The following DISP1 variants were observed in gnomAD, a reference collection of about 807,000 sequenced individuals.
The protein encoded by DISP1 is dispatched RND transporter family member 1, also known as protein dispatched homolog 1.
A neutral mutation model predicts 37.3 loss-of-function variants in DISP1; 30 were observed. That is an observed-to-expected ratio of 0.80 (90% CI 0.60 to 1.09). The LOEUF (loss-of-function observed/expected upper bound fraction) is 1.09. DISP1 is among the 50% of genes least tolerant of loss of function. DISP1 has a pLI of 0.00. For synonymous variants in DISP1, 634 were observed against 690.2 expected, an observed-to-expected ratio of 0.92 and a Z score of 1.28; for missense variants, 1,598 against 1,879.5, an observed-to-expected ratio of 0.85 and a Z score of 2.77.
chr1:222,973,264 T>A (rs1677084528), intron 3 of DISP1, among the ~76,000 whole-genome samples: 1 of 152,190 alleles, frequency 6.6e-6, no homozygotes, highest in African/African-American at 2.4e-5. Flanking sequence ...CATATGCTCA[T>A]GAGGAATTCA....
intron 1 of DISP1, among the ~76,000 whole-genome samples, chr1:222,904,863 G>A (rs1450091411): frequency 2.6e-5 from 4 of 152,060 alleles, no homozygotes; most frequent in African/African-American, 4.8e-5. Context: ...ACTGCCCCTG[G>A]CCTCATATTT....
intron 1 of DISP1, among the ~76,000 whole-genome samples, chr1:222,838,167 T>G (rs1430581243): frequency 4.6e-5 from 7 of 152,170 alleles, no homozygotes; most frequent in African/African-American, 1.7e-4. Context: ...CTTTCCCTAA[T>G]ATAATTATCA....
chr1:222,840,577 T>TTC (rs1553315834), intron 1 of DISP1, among the ~76,000 whole-genome samples: 2 of 145,480 alleles, frequency 1.4e-5, no homozygotes, highest in Admixed American at 6.9e-5. Flanking sequence ...TTTTTTTTTT[T>TTC]CCCTGAGACA....
At chr1:222,984,352 C>G (rs1292045617) in intron 4 of DISP1, among the ~76,000 whole-genome samples, 1 of 139,002 alleles carries the variant, frequency 7.2e-6, no homozygotes, top group African/African-American at 2.7e-5. Flanking sequence ...TTGTGCTTAG[C>G]TGAAATACAC....
intron 8 of DISP1, among the ~76,000 whole-genome samples, chr1:223,001,478 G>GGTTTATTC (rs1679438915): frequency 6.6e-6 from 1 of 152,084 alleles, no homozygotes; most frequent in African/African-American, 2.4e-5. Context: ...CTTGACATCA[G>GGTTTATTC]CACTTTTGAT....
In DISP1 at chr1:222,856,793, C is replaced by T. The variant is rs551944587; in HGVS notation, c.-159+41715C>T. On this transcript the variant is annotated intron_variant, in intron 1 of 8. Coordinates refer to ENST00000675850, the MANE Select transcript of DISP1 (RefSeq NM_001377229.1). ...AATCTTGGCTCACTGCAACCTCTGC[C>T]TTCTGTTTCAAGCAGTCCTCCTGCC... 5.3e-5 allele frequency among the ~76,000 whole-genome samples: 8 copies of T among 151,076 alleles called. No individual in the cohort carries two copies. The South Asian group carries it at 1.7e-3, about 32-fold the overall frequency.
intron 1 of DISP1, among the ~76,000 whole-genome samples, chr1:222,891,404 A>G (rs865981305): frequency 6.6e-6 from 1 of 152,166 alleles, no homozygotes; most frequent in Non-Finnish European, 1.5e-5. Flanking sequence ...ATTTCTTTCT[A>G]TAGATCAAGG....
At chr1:222,904,569 ATTTTAT>A (rs1671792891) in intron 1 of DISP1, among the ~76,000 whole-genome samples, 1 of 144,482 alleles carries the variant, frequency 6.9e-6, no homozygotes, top group Non-Finnish European at 1.5e-5. Context: ...TTATTTTTTT[ATTTTAT>A]TTTTTTTTTT....
chr1:222,842,289 T>A (rs1428957472), intron 1 of DISP1, among the ~76,000 whole-genome samples: 1 of 150,266 alleles, frequency 6.7e-6, no homozygotes, highest in Non-Finnish European at 1.5e-5. Flanking sequence ...CACGGAGGCA[T>A]CTGTTAAATA....
chr1:222,980,302 CAG>C (rs1424904873), intron 3 of DISP1, among the ~76,000 whole-genome samples: 2 of 151,990 alleles, frequency 1.3e-5, no homozygotes, highest in Non-Finnish European at 2.9e-5. Context: ...CAGCATTGAA[CAG>C]AGAGCCTATA....
intron 1 of DISP1, among the ~76,000 whole-genome samples, chr1:222,892,403 G>C (rs1026868492): frequency 1.3e-5 from 2 of 152,132 alleles, no homozygotes; most frequent in South Asian, 2.1e-4. Context: ...TGCAAATAAC[G>C]TAAGTATGAA....
At chr1:222,945,058 G>A (rs184848004) in intron 3 of DISP1, among the ~76,000 whole-genome samples, 4 of 152,238 alleles carry the variant, frequency 2.6e-5, no homozygotes, top group Admixed American at 2.6e-4. Context: ...GGGATTAAGT[G>A]ATAAATACTT....
chr1:222,965,567 GT>G (rs1255065481), intron 3 of DISP1, among the ~76,000 whole-genome samples: 1 of 152,082 alleles, frequency 6.6e-6, no homozygotes, highest in East Asian at 1.9e-4. Context: ...TTCTTAAACA[GT>G]TTTCTTTTTC....
intron 1 of DISP1, among the ~76,000 whole-genome samples, chr1:222,875,802 G>C (rs2125356187): frequency 6.7e-6 from 1 of 148,426 alleles, no homozygotes; most frequent in Admixed American, 6.8e-5. Context: ...ACTCCAGACT[G>C]GGCAACAAGA....
At chr1:222,840,897 A>G (rs1008368214) in intron 1 of DISP1, among the ~76,000 whole-genome samples, 3 of 151,946 alleles carry the variant, frequency 2.0e-5, no homozygotes, top group Non-Finnish European at 4.4e-5. Context: ...TAATTACAAA[A>G]CCCCAATTTG....
At chr1:222,841,393 A>G (rs1233929181) in intron 1 of DISP1, among the ~76,000 whole-genome samples, 1 of 152,124 alleles carries the variant, frequency 6.6e-6, no homozygotes, top group Non-Finnish European at 1.5e-5. Flanking sequence ...GGTTACTGCT[A>G]ATATTCCATT....
chr1:222,847,294 C>G (rs1667966924), intron 1 of DISP1, among the ~76,000 whole-genome samples: 1 of 152,124 alleles, frequency 6.6e-6, no homozygotes, highest in Non-Finnish European at 1.5e-5. Flanking sequence ...TATACTTTCC[C>G]TGTTCTAGTC....
At chr1:222,939,064 C>T (rs1674182580) in intron 2 of DISP1, among the ~76,000 whole-genome samples, 1 of 152,152 alleles carries the variant, frequency 6.6e-6, no homozygotes, top group Admixed American at 6.5e-5. Context: ...ATGTGACTTG[C>T]TTCAAATACA....
At chr1:222,992,913 G>A (rs1370668119) in intron 7 of DISP1, among the ~76,000 whole-genome samples, 9 of 125,586 alleles carry the variant, frequency 7.2e-5, no homozygotes, top group Admixed American at 1.0e-4. Flanking sequence ...CCAGGCTGGA[G>A]TACAATGGCG....
Sources: allele counts gnomAD v4.1 joint callset (sites outside exome capture counted in the v4.1 genomes callset), GRCh38; gene constraint gnomAD v4.1.1; transcripts MANE v1.5; gene names NCBI Gene and HGNC (gene_info 2026-07-23, HGNC 2026-07-21).